Variants in OSCAR observed in about 807,000 individuals in gnomAD.
OSCAR encodes osteoclast-associated immunoglobulin-like receptor.
A neutral mutation model predicts 27.3 loss-of-function variants in OSCAR; 25 were observed. The ratio of observed to expected loss-of-function variants is 0.92; its 90% confidence interval spans 0.67 to 1.28. The LOEUF is 1.28. Among genes scored for constraint, OSCAR ranks in the 50% most tolerant of loss-of-function variants. The pLI is 0.00. For synonymous variants in OSCAR, 158 were observed against 165.7 expected (o/e 0.95, Z 0.36); for missense variants, 354 against 355.1 (o/e 1.00, Z 0.03).
chr19:54,099,102 A>G (rs1384426722), intron 2 of OSCAR, among the ~76,000 whole-genome samples: 2 of 151,008 alleles, frequency 1.3e-5, no homozygotes, highest in East Asian at 2.0e-4. Flanking sequence ...TTGCACTGTC[A>G]CCCAGGCTGG....
chr19:54,097,760 AT>A (rs756183989), intron 2 of OSCAR, among the ~76,000 whole-genome samples: 141,668 of 144,068 alleles, frequency 0.98, 69,652 homozygotes, highest in Middle Eastern at 1. Context: ...CACCAGGCTA[AT>A]TTTTTTTTTT....
chr19:54,099,706 G>A (rs587607401), intron 2 of OSCAR, 42 bp downstream of exon 2: 2 of 1,613,840 alleles, frequency 1.2e-6, no homozygotes, highest in South Asian at 2.2e-5. Flanking sequence ...TTGGAAAAGG[G>A]GTGTCAGCAA....
chr19:54,099,732 T>TG lies in OSCAR; in HGVS notation c.70+15dup. ...GTGTCAGCAACAAAAGGAGAGTGGA[T>TG]GGGGTGGCTACTCACCAGACGGAGT... On this transcript the variant is annotated intron_variant, in intron 2 of 4. Transcript: ENST00000358375. 3.7e-6 allele frequency: 6 copies of TG among 1,613,478 alleles called. No individual in the cohort carries two copies. The highest frequency in any genetic ancestry group is 5.1e-6 in the Non-Finnish European group (6 of 1,179,816).
At chr19:54,096,198 G>C (rs766901208) in intron 3 of OSCAR, 45 bp from the exon 4 acceptor site, 4 of 1,403,462 alleles carry the variant, frequency 2.9e-6, no homozygotes, top group Non-Finnish European at 3.7e-6. Flanking sequence ...AGCGTCTTCC[G>C]CTCGCTCGCT....
chr19:54,099,459 A>T (rs2072934083), intron 2 of OSCAR: 6 of 934,748 alleles, frequency 6.4e-6, no homozygotes, highest in African/African-American at 1.6e-5. Flanking sequence ...CATTTTACAG[A>T]GAAGGAAATG....
Position 54,094,789 on chromosome 19 carries a change from TGCTGATTGGTCCATTTTACAGAGC to T in OSCAR, c.*408_*431del, listed in dbSNP as rs1330231550. Reference sequence around the variant, plus strand: ...TCCCTTATTGTCCCCGCCCGTGTCCTGCTGATTGGTCCATTTTACAGAGCGCTGATTGGTCCATCTTACAGAGTG... The same window carrying T: ...TCCCTTATTGTCCCCGCCCGTGTCCTGCTGATTGGTCCATCTTACAGAGTG... On this transcript the variant is annotated 3_prime_UTR_variant, in exon 5 of 5. Coordinates refer to ENST00000358375, the MANE Select transcript of OSCAR (RefSeq NM_133169.6). The T allele has an allele frequency of 1.1e-3, 180 of 160,028 alleles. No homozygotes were observed. Among genetic ancestry groups the T allele is most frequent in the African/African-American group, 4.2e-3 (175 of 41,882 alleles). The allele number at this position is 160,028 out of a possible 1,614,324, so 9.9% of individuals were successfully genotyped here.
In OSCAR at chr19:54,100,086, C is replaced by T. The variant is rs1471264416; in HGVS notation, c.38-306G>A. 3.9e-5 allele frequency among the ~76,000 whole-genome samples: 6 copies of T among 152,100 alleles called. No homozygotes were observed. In the East Asian group the frequency reaches 5.8e-4, roughly 15 times the overall value. ...CTCGGCCTCCCAAAGTGCTGGGCCT[C>T]GGCTCCCACAGGCATGAGCCGCTGC... On this transcript the variant is annotated intron_variant, in intron 1 of 4. Coordinates refer to ENST00000358375, the MANE Select transcript of OSCAR (RefSeq NM_133169.6).
intron 2 of OSCAR, 126 bp downstream of exon 2, chr19:54,099,622 A>C (rs1314522149): frequency 6.2e-7 from 1 of 1,613,426 alleles, no homozygotes; most frequent in East Asian, 2.2e-5. Flanking sequence ...TGAGAAAAGA[A>C]GGAAGGAATG....
Position 54,095,974 on chromosome 19 carries a change from G to C in OSCAR, c.553C>G (p.Leu185Val), listed in dbSNP as rs1373866592. ...TAGGTGCCGGGGGCGCGGGCGCCCA[G>C]CAGCGTGAAGTCGGCCCAGGGCTGC... ...SAQPWADFTL[L>V]GARAPGTYSC... is the part of the protein sequence containing the mutation. The change falls in exon 4 of 5, where the codon CTG becomes GTG. Residue 185 changes from leucine to valine, a missense_variant. Physicochemically the swap from Leu to Val is conservative, Grantham distance 32. Coordinates refer to ENST00000358375, the MANE Select transcript of OSCAR (RefSeq NM_133169.6). 8 of 1,590,482 alleles carry C rather than the reference G, an allele frequency of 5.0e-6. No homozygotes were observed. The highest frequency in any genetic ancestry group is 6.8e-6 in the Non-Finnish European group (8 of 1,169,502).
Position 54,097,170 on chromosome 19 carries a change from T to C in OSCAR, c.71-6A>G, listed in dbSNP as rs1188436956. ...GTGGTATGAAGCTGGGGGGACTGAA[T>C]AAACGGGGCTGCCTGGGTCCTCGGG... On this transcript the variant is annotated splice_region_variant and splice_polypyrimidine_tract_variant and intron_variant, in intron 2 of 4. Coordinates refer to ENST00000358375, the MANE Select transcript of OSCAR (RefSeq NM_133169.6). 4 of 1,606,202 alleles carry C rather than the reference T, an allele frequency of 2.5e-6. No individual in the cohort carries two copies. In the South Asian group the frequency reaches 3.3e-5, roughly 13 times the overall value.
intron 2 of OSCAR, among the ~76,000 whole-genome samples, chr19:54,097,544 CA>C (rs1437682846): frequency 2.0e-5 from 3 of 149,986 alleles, no homozygotes; most frequent in African/African-American, 7.4e-5. Flanking sequence ...CTCGGCCTCC[CA>C]AAGTGCTAAG....
intron 1 of OSCAR, 92 bp from the exon 2 acceptor site, chr19:54,099,872 G>C: frequency 7.0e-7 from 1 of 1,432,504 alleles, no homozygotes; most frequent in Non-Finnish European, 9.4e-7. Context: ...GAGTGTAGTG[G>C]TGTGATCTCA....
chr19:54,096,733 T>C, intron 3 of OSCAR, 129 bp downstream of exon 3: 1 of 1,007,888 alleles, frequency 9.9e-7, no homozygotes, highest in Non-Finnish European at 1.4e-6. Flanking sequence ...AGTGTCTCTG[T>C]ATCTGTCTTT....
chr19:54,095,225 G>A lies in OSCAR; in HGVS notation c.788C>T (p.Pro263Leu). The part of the protein sequence containing the change: ...SQNRAPAGIR[P>L] ...GGGCTGCAGTGCTCCTGGGGCTCAG[G>A]GGCGGATACCAGCAGGAGCGCGGTT... is the stretch of plus-strand genomic sequence containing the variant. Residue 263 changes from proline to leucine, a missense_variant, in exon 5 of 5, where the codon CCC becomes CTC. Physicochemically the swap from Pro to Leu is moderately conservative, Grantham distance 98 (BLOSUM62 -3). Coordinates refer to ENST00000358375, the MANE Select transcript of OSCAR (RefSeq NM_133169.6). 1 of 1,612,012 alleles carries A rather than the reference G, an allele frequency of 6.2e-7. No homozygotes were observed. Among genetic ancestry groups the A allele is most frequent in the African/African-American group, 1.3e-5 (1 of 75,030 alleles).
chr19:54,096,216 T>C, intron 3 of OSCAR, 63 bp from the exon 4 acceptor site: 1 of 1,356,576 alleles, frequency 7.4e-7, no homozygotes, highest in Non-Finnish European at 9.7e-7. Flanking sequence ...GCTCGCTCTG[T>C]TTCTCCTTCT....
rs1294002274 is a variant in OSCAR, at chr19:54,095,128, G to A, written c.*93C>T. Reference sequence around the variant, plus strand: ...CCGTTCCGCGGAGCTCAGCCAGCAGGACTGTGGGGCTGCAGGAAAGGACAG... The same window carrying A: ...CCGTTCCGCGGAGCTCAGCCAGCAGAACTGTGGGGCTGCAGGAAAGGACAG... On this transcript the variant is annotated 3_prime_UTR_variant, in exon 5 of 5. Transcript: ENST00000358375. 9 of 1,505,370 alleles carry A rather than the reference G, an allele frequency of 6.0e-6. No homozygotes were observed. In the African/African-American group the frequency reaches 1.1e-4, roughly 18 times the overall value. 93.3% of individuals were successfully genotyped at this position (1,505,370 alleles called of 1,614,324 possible).
At position 54,099,229 on chromosome 19, in the gene OSCAR, A is replaced by ATTTTT. The variant is rs1228940404; in HGVS notation, c.70+514_70+518dup. Among the ~76,000 whole-genome samples, 270 of 82,410 alleles carry ATTTTT rather than the reference A, an allele frequency of 3.3e-3. 26 individuals are homozygous for ATTTTT. The highest frequency in any genetic ancestry group is 9.4e-3 in the African/African-American group (188 of 20,062). 54.1% of individuals were successfully genotyped at this position (82,410 alleles called of 152,430 possible). A position where few individuals can be genotyped will look rare whatever the true frequency, so the allele number is the denominator to read the frequency against. On this transcript the variant is annotated intron_variant, in intron 2 of 4. Coordinates refer to ENST00000358375, the MANE Select transcript of OSCAR (RefSeq NM_133169.6). ...AGGTGCGTCCCACCACACCCGGCTA[A>ATTTTT]TTTTTTTTTTTTTTTTTTTTTTTTA... is the stretch of plus-strand genomic sequence containing the variant.
At chr19:54,098,642 C>T (rs1174976085) in intron 2 of OSCAR, among the ~76,000 whole-genome samples, 1 of 151,742 alleles carries the variant, frequency 6.6e-6, no homozygotes, top group Non-Finnish European at 1.5e-5. Flanking sequence ...TATGATAGAG[C>T]CACCGTACTC....
chr19:54,095,091 G>A lies in OSCAR; in HGVS notation c.*130C>T, dbSNP rs1328186575. ...AAGAAGCTACAGCACAGGGCACAGC[G>A]GGGTCTAAGGACCGTTCCGCGGAGC... On this transcript the variant is annotated 3_prime_UTR_variant, in exon 5 of 5. Coordinates refer to ENST00000358375, the MANE Select transcript of OSCAR (RefSeq NM_133169.6). 2 of 1,396,170 alleles carry A rather than the reference G, an allele frequency of 1.4e-6. No individual in the cohort carries two copies. Among genetic ancestry groups the A allele is most frequent in the Non-Finnish European group, 1.9e-6 (2 of 1,052,096 alleles). The allele number at this position is 1,396,170 out of a possible 1,614,324, so 86.5% of individuals were successfully genotyped here. A position where few individuals can be genotyped will look rare whatever the true frequency, so the allele number is the denominator to read the frequency against.
Sources: gnomAD v4.1 joint callset for allele counts (sites outside exome capture counted in the v4.1 genomes callset) on GRCh38, gnomAD v4.1.1 for gene constraint, MANE v1.5 for transcripts, NCBI Gene and HGNC (gene_info 2026-07-23, HGNC 2026-07-21) for gene names.